Variants in FRMPD1 observed in about 807,000 individuals in gnomAD.
FRMPD1 encodes the protein FERM and PDZ domain containing 1, also known as FERM and PDZ domain-containing protein 1.
A neutral mutation model predicts 117.8 loss-of-function variants in FRMPD1; 76 were observed. The ratio of observed to expected loss-of-function variants is 0.65; its 90% CI spans 0.54 to 0.78. The LOEUF (loss-of-function observed/expected upper bound fraction) is 0.78. Among genes scored for constraint, FRMPD1 ranks in the 30% least tolerant of loss-of-function variants. The pLI, the probability that FRMPD1 is intolerant of heterozygous loss-of-function variation, is 0.00. For synonymous variants in FRMPD1, 783 were observed against 770.4 expected (o/e 1.02, Z -0.27); for missense variants, 1,786 against 1,964.5 (o/e 0.91, Z 1.72).
At position 37,705,012 on chromosome 9, in the gene FRMPD1, C is replaced by G. The variant is rs1822653061; in HGVS notation, c.102-2404C>G. Among the ~76,000 whole-genome samples, 2 of 152,058 alleles carry G rather than the reference C, an allele frequency of 1.3e-5. 1 individual carries two copies. The highest frequency in any genetic ancestry group is 4.1e-4 in the South Asian group (2 of 4,830). On this transcript the variant is annotated intron_variant, in intron 2 of 15. Coordinates refer to ENST00000377765, the MANE Select transcript of FRMPD1 (RefSeq NM_014907.3). Reference sequence around the variant, plus strand: ...TACTTGAATCCTTTCTTGGCATTTTCTAGATATTTAGCATTCACTCATTAA... The same window carrying G: ...TACTTGAATCCTTTCTTGGCATTTTGTAGATATTTAGCATTCACTCATTAA...
chr9:37,739,312 G>A lies in FRMPD1; in HGVS notation c.1550-766G>A, dbSNP rs568923240. ...TACTGTGAGAGTCTGTAACTGTTGTGGGGGAGGCCAGGCTCTTCCCCGTAA... is the reference window on the plus strand; with the variant it reads ...TACTGTGAGAGTCTGTAACTGTTGTAGGGGAGGCCAGGCTCTTCCCCGTAA... On this transcript the variant is annotated intron_variant, in intron 14 of 15. Coordinates refer to ENST00000377765, the MANE Select transcript of FRMPD1 (RefSeq NM_014907.3). Among the ~76,000 whole-genome samples the A allele has an allele frequency of 3.2e-4, 48 of 152,294 alleles. 2 individuals are homozygous for A. The South Asian group carries it at 9.7e-3, about 31-fold the overall frequency.
At chr9:37,633,788 G>C in the FRMPD1 span, among the ~76,000 whole-genome samples, 3 of 152,210 alleles carry the variant, frequency 2.0e-5, no homozygotes, top group African/African-American at 7.2e-5. Flanking sequence ...TTGAGCTTGG[G>C]AGGTTGAGGC....
At chr9:37,639,363 G>C in the FRMPD1 span, among the ~76,000 whole-genome samples, 1 of 152,144 alleles carries the variant, frequency 6.6e-6, no homozygotes, top group Non-Finnish European at 1.5e-5. Context: ...AGTAGATTCT[G>C]GGTGTCGCCA....
chr9:37,653,644 A>AG (rs1588900709), intron 1 of FRMPD1, among the ~76,000 whole-genome samples: 1 of 151,996 alleles, frequency 6.6e-6, no homozygotes, highest in Non-Finnish European at 1.5e-5. Context: ...TTGGTGGGGG[A>AG]GGGGGGCAGA....
At chr9:37,672,622 C>G (rs538924074) in intron 1 of FRMPD1, among the ~76,000 whole-genome samples, 2 of 152,284 alleles carry the variant, frequency 1.3e-5, no homozygotes, top group African/African-American at 4.8e-5. Flanking sequence ...AGTCACAGAT[C>G]TAGCAAGTGG....
the FRMPD1 span, among the ~76,000 whole-genome samples, chr9:37,611,080 G>A: frequency 2.0e-5 from 3 of 152,108 alleles, no homozygotes; most frequent in Admixed American, 6.5e-5. Flanking sequence ...TACGTTTGTA[G>A]GATAACTTCC....
At chr9:37,714,659 A>G (rs1042591827) in intron 5 of FRMPD1, among the ~76,000 whole-genome samples, 5 of 132,554 alleles carry the variant, frequency 3.8e-5, no homozygotes, top group Non-Finnish European at 3.3e-5. Context: ...TATTTTATTT[A>G]TTTTTGAGAT....
the FRMPD1 span, among the ~76,000 whole-genome samples, chr9:37,644,332 G>A: frequency 1.3e-5 from 2 of 152,222 alleles, no homozygotes; most frequent in African/African-American, 4.8e-5. Flanking sequence ...AGACTCACTA[G>A]CGAGGCTGAC....
At chr9:37,617,323 C>T in the FRMPD1 span, among the ~76,000 whole-genome samples, 1 of 152,216 alleles carries the variant, frequency 6.6e-6, no homozygotes, top group South Asian at 2.1e-4. Flanking sequence ...GAACAAGAGA[C>T]ACTCTGACCT....
the FRMPD1 span, among the ~76,000 whole-genome samples, chr9:37,613,640 G>C: frequency 8.5e-5 from 13 of 152,242 alleles, no homozygotes; most frequent in African/African-American, 3.1e-4. Flanking sequence ...AAAACATCAG[G>C]CTGCCACAGC....
At chr9:37,608,666 C>T in the FRMPD1 span, among the ~76,000 whole-genome samples, 1 of 152,264 alleles carries the variant, frequency 6.6e-6, no homozygotes, top group African/African-American at 2.4e-5. Context: ...TTTTGCAAAT[C>T]ATTCCTGGGA....
intron 1 of FRMPD1, among the ~76,000 whole-genome samples, chr9:37,661,298 G>T (rs1038801070): frequency 6.6e-6 from 1 of 152,104 alleles, no homozygotes; most frequent in African/African-American, 2.4e-5. Flanking sequence ...TCAGGCCTGA[G>T]TTTACCAGTT....
intron 5 of FRMPD1, chr9:37,715,558 A>G (rs1823082008): frequency 6.8e-6 from 3 of 440,384 alleles, no homozygotes; most frequent in South Asian, 3.2e-5. Flanking sequence ...AGATTTTATC[A>G]GCTGAGGTCT....
intron 7 of FRMPD1, among the ~76,000 whole-genome samples, chr9:37,729,374 G>C (rs1361101818): frequency 9.7e-6 from 1 of 102,770 alleles, no homozygotes; most frequent in Non-Finnish European, 1.8e-5. Flanking sequence ...CAGCCTGGGA[G>C]ACCCTCTCAA....
intron 7 of FRMPD1, 71 bp from the exon 8 acceptor site, chr9:37,729,657 G>A: frequency 1.3e-6 from 2 of 1,528,092 alleles, no homozygotes; most frequent in Non-Finnish European, 1.8e-6. Context: ...GCTGCACTGA[G>A]GAATGGCAGG....
chr9:37,632,854 G>A, the FRMPD1 span, among the ~76,000 whole-genome samples: 2 of 150,084 alleles, frequency 1.3e-5, no homozygotes, highest in Non-Finnish European at 3.0e-5. Context: ...TCAAAGGGAG[G>A]GATGCTAGAC....
At chr9:37,742,482 C>T (rs57480498) in intron 15 of FRMPD1, among the ~76,000 whole-genome samples, 7,558 of 152,316 alleles carry the variant, frequency 0.05, 619 homozygotes, top group African/African-American at 0.17. Context: ...GATTTGGCCC[C>T]TGACTGACTA....
At chr9:37,649,753 C>T (rs564899930), upstream of FRMPD1, among the ~76,000 whole-genome samples, 1 of 152,344 alleles carries the variant, frequency 6.6e-6, no homozygotes, top group African/African-American at 2.4e-5. Flanking sequence ...CTCAGAACTC[C>T]TCCCATGAAC....
At chr9:37,615,818 C>CT in the FRMPD1 span, among the ~76,000 whole-genome samples, 5,670 of 145,488 alleles carry the variant, frequency 0.039, 341 homozygotes, top group African/African-American at 0.13. Context: ...CACATCTGTT[C>CT]TTTTTTTTTT....
Sources: allele counts gnomAD v4.1 joint callset (sites outside exome capture counted in the v4.1 genomes callset), GRCh38; gene constraint gnomAD v4.1.1; transcripts MANE v1.5; gene names NCBI Gene and HGNC (gene_info 2026-07-23, HGNC 2026-07-21).